XYLT1: variants seen among roughly 807,000 people sequenced by gnomAD.
The protein encoded by XYLT1 is xylosyltransferase 1, also known as beta-D-xylosyltransferase 1.
Under a neutral mutation model 91.3 loss-of-function variants are expected in XYLT1, and 36 were observed. The ratio of observed to expected loss-of-function variants is 0.39; its 90% CI spans 0.30 to 0.52. XYLT1 has a LOEUF of 0.52. XYLT1 is among the 20% of genes least tolerant of loss of function. The pLI, the probability that XYLT1 is intolerant of heterozygous loss-of-function variation, is 0.68. For missense variants in XYLT1, 1,242 were observed against 1,284.5 expected, an observed-to-expected ratio of 0.97 and a Z score of 0.51; for synonymous variants, 588 against 532.0, an observed-to-expected ratio of 1.11 and a Z score of -1.45.
intron 1 of XYLT1, among the ~76,000 whole-genome samples, chr16:17,380,782 A>C (rs1223951490): frequency 6.6e-6 from 1 of 152,042 alleles, no homozygotes; most frequent in Non-Finnish European, 1.5e-5. Context: ...TGGATAAACC[A>C]AATGCAATAC....
chr16:17,129,072 GAAAAAAAAAAAA>G (rs34234422), intron 9 of XYLT1, among the ~76,000 whole-genome samples: 4 of 95,220 alleles, frequency 4.2e-5, no homozygotes, highest in Non-Finnish European at 5.8e-5. Flanking sequence ...AGGGAGCATA[GAAAAAAAAAAAA>G]AAAAAAAAAA....
At chr16:17,125,748 G>A (rs1179477420) in intron 10 of XYLT1, among the ~76,000 whole-genome samples, 1 of 152,060 alleles carries the variant, frequency 6.6e-6, no homozygotes, top group East Asian at 1.9e-4. Flanking sequence ...GTTTGTTTTT[G>A]TTTATCTATT....
chr16:17,118,519 T>A (rs1366385606), intron 10 of XYLT1, among the ~76,000 whole-genome samples: 1 of 152,062 alleles, frequency 6.6e-6, no homozygotes, highest in African/African-American at 2.4e-5. Context: ...TCAAATAGGT[T>A]TCCTAGGAAG....
intron 1 of XYLT1, among the ~76,000 whole-genome samples, chr16:17,433,532 C>G (rs1484366723): frequency 6.6e-6 from 1 of 152,204 alleles, no homozygotes; most frequent in African/African-American, 2.4e-5. Flanking sequence ...CACAAACACG[C>G]ATGATGGTAG....
chr16:17,410,745 C>A (rs949523776), intron 1 of XYLT1, among the ~76,000 whole-genome samples: 3 of 150,500 alleles, frequency 2.0e-5, no homozygotes, highest in African/African-American at 7.4e-5. Context: ...TAGGTTCAAG[C>A]GATTATCCTG....
intron 5 of XYLT1, among the ~76,000 whole-genome samples, chr16:17,160,841 C>T (rs909482179): frequency 1.3e-5 from 2 of 152,120 alleles, no homozygotes; most frequent in East Asian, 1.9e-4. Context: ...GAAACTAAAT[C>T]GGCCTATAAA....
rs1223605485 is a variant in XYLT1, at chr16:17,103,242, G to C, written c.*5453C>G. The C allele has an allele frequency of 6.6e-6, 1 of 152,650 alleles. No homozygotes were observed. The highest frequency in any genetic ancestry group is 1.9e-4 in the East Asian group (1 of 5,182). The allele number at this position is 152,650 out of a possible 1,614,324, so 9.5% of individuals were successfully genotyped here. On this transcript the variant is annotated 3_prime_UTR_variant, in exon 12 of 12. Transcript: ENST00000261381. ...CATATAAAGTCACCCAGTCTTGGGG[G>C]CAGGGGAGGTCTGCAAAGCCTTTTC... is the stretch of plus-strand genomic sequence containing the variant.
At chr16:17,184,850 A>T (rs903392286) in intron 5 of XYLT1, among the ~76,000 whole-genome samples, 2 of 152,172 alleles carry the variant, frequency 1.3e-5, no homozygotes, top group African/African-American at 2.4e-5. Flanking sequence ...AGGACTCTGA[A>T]TTTTTTTTGT....
chr16:17,256,158 G>A (rs1320293481), intron 3 of XYLT1, among the ~76,000 whole-genome samples: 1 of 152,202 alleles, frequency 6.6e-6, no homozygotes, highest in Non-Finnish European at 1.5e-5. Flanking sequence ...AGGAAGGTTT[G>A]CTGTCTATCC....
Position 17,357,635 on chromosome 16 carries a change from C to T in XYLT1, c.402+377G>A, listed in dbSNP as rs559587403. On this transcript the variant is annotated intron_variant, in intron 2 of 11. Coordinates refer to ENST00000261381, the MANE Select transcript of XYLT1 (RefSeq NM_022166.4). ...CCAAGGAATAAAAGTCCTCCAAGTT[C>T]AGGCATCAAAGAGTAGCATCTTCCC... 3.3e-5 allele frequency among the ~76,000 whole-genome samples: 5 copies of T among 152,376 alleles called. No homozygotes were observed. The South Asian group carries it at 1.0e-3, about 32-fold the overall frequency.
chr16:17,259,977 A>G (rs1173646002), intron 2 of XYLT1, among the ~76,000 whole-genome samples: 2 of 152,206 alleles, frequency 1.3e-5, no homozygotes, highest in African/African-American at 4.8e-5. Context: ...ATCTATGCCC[A>G]TAAGAGAAAT....
intron 3 of XYLT1, among the ~76,000 whole-genome samples, chr16:17,229,973 G>A (rs1022213901): frequency 2.6e-5 from 4 of 152,196 alleles, no homozygotes; most frequent in Non-Finnish European, 4.4e-5. Context: ...GGAAGGTCAC[G>A]TGCTGATAGA....
chr16:17,168,689 G>A (rs1402236442), intron 5 of XYLT1, among the ~76,000 whole-genome samples: 1 of 152,088 alleles, frequency 6.6e-6, no homozygotes, highest in East Asian at 1.9e-4. Flanking sequence ...ATGCTAAAGA[G>A]TATGTTTTCC....
In XYLT1 at chr16:17,117,737, T is replaced by A; in HGVS notation, c.2466A>T (p.Thr822=). The part of the protein sequence containing the change: ...LNLPLRPGVW[T]VKILHHWVPV... ...GCACCCAGTGGTGGAGAATTTTCACTGTCCAGACCCCAGGCCTCAGGGGCA... is the reference window on the plus strand; with the variant it reads ...GCACCCAGTGGTGGAGAATTTTCACAGTCCAGACCCCAGGCCTCAGGGGCA... The change falls in exon 11 of 12, where the codon ACA becomes ACT. Residue 822 remains threonine (T), a synonymous_variant. Transcript: ENST00000261381. The A allele has an allele frequency of 6.2e-7, 1 of 1,614,224 alleles. No individual in the cohort carries two copies. The highest frequency in any genetic ancestry group is 8.5e-7 in the Non-Finnish European group (1 of 1,180,038).
At chr16:17,284,541 C>G (rs913038471) in intron 2 of XYLT1, among the ~76,000 whole-genome samples, 5 of 152,194 alleles carry the variant, frequency 3.3e-5, no homozygotes, top group African/African-American at 4.8e-5. Context: ...GAGGAGGTAG[C>G]ATTTGGGTGG....
At chr16:17,388,960 C>T (rs141792409) in intron 1 of XYLT1, among the ~76,000 whole-genome samples, 1 of 152,284 alleles carries the variant, frequency 6.6e-6, no homozygotes, top group African/African-American at 2.4e-5. Context: ...GCAGCCAGCT[C>T]ATCCTTTATA....
intron 1 of XYLT1, 39 bp downstream of exon 1, chr16:17,470,395 C>A: frequency 8.2e-7 from 1 of 1,221,414 alleles, no homozygotes; most frequent in African/African-American, 1.6e-5. Flanking sequence ...GCCTTCCTCC[C>A]TCCCTCGCCG....
chr16:17,277,790 G>T (rs531025774), intron 2 of XYLT1, among the ~76,000 whole-genome samples: 1 of 152,258 alleles, frequency 6.6e-6, no homozygotes, highest in African/African-American at 2.4e-5. Context: ...TCATTAATTT[G>T]CTTAGGATAA....
At chr16:17,423,023 G>A (rs879398106) in intron 1 of XYLT1, among the ~76,000 whole-genome samples, 3 of 152,212 alleles carry the variant, frequency 2.0e-5, no homozygotes, top group African/African-American at 4.8e-5. Context: ...CTAGCAGTAC[G>A]TCGAAGCACA....
Sources: gnomAD v4.1 joint callset for allele counts (sites outside exome capture counted in the v4.1 genomes callset) on GRCh38, gnomAD v4.1.1 for gene constraint, MANE v1.5 for transcripts, NCBI Gene and HGNC (gene_info 2026-07-23, HGNC 2026-07-21) for gene names.